DTNBP1: variants seen among roughly 807,000 people sequenced by gnomAD.
The protein encoded by DTNBP1 is dysbindin.
In DTNBP1, 35 loss-of-function variants were observed where a neutral mutation model predicts 42.8. The observed-to-expected ratio is 0.82, with a 90% CI of 0.63 to 1.09. The LOEUF (loss-of-function observed/expected upper bound fraction) is 1.09, where lower values mean the gene tolerates loss of function less well. Among genes scored for constraint, DTNBP1 ranks in the 50% least tolerant of loss-of-function variants. DTNBP1 has a pLI of 0.00. For missense variants in DTNBP1, 457 were observed against 424.2 expected (o/e 1.08, Z -0.68); for synonymous variants, 171 against 162.2 (o/e 1.05, Z -0.41).
intron 3 of DTNBP1, among the ~76,000 whole-genome samples, chr6:15,648,994 T>TA (rs55951018): frequency 0.13 from 19,194 of 151,914 alleles, 1,362 homozygotes; most frequent in African/African-American, 0.17. Flanking sequence ...GTAGCTATAA[T>TA]AAAAAACAAG....
chr6:15,556,102 G>A (rs1774501809), intron 7 of DTNBP1, among the ~76,000 whole-genome samples: 1 of 152,112 alleles, frequency 6.6e-6, no homozygotes, highest in Non-Finnish European at 1.5e-5. Context: ...GGCAGTTAAA[G>A]GTCTTTGGGT....
intron 5 of DTNBP1, among the ~76,000 whole-genome samples, chr6:15,619,489 G>A (rs1311753049): frequency 6.6e-6 from 1 of 152,040 alleles, no homozygotes; most frequent in Non-Finnish European, 1.5e-5. Context: ...TTGCAACTGA[G>A]GGACAGTCTA....
intron 7 of DTNBP1, among the ~76,000 whole-genome samples, chr6:15,544,975 A>C (rs2113374942): frequency 6.6e-6 from 1 of 152,344 alleles, no homozygotes; most frequent in African/African-American, 2.4e-5. Context: ...GAAACTGAGG[A>C]CTTGTTAGAC....
chr6:15,523,172 T>A lies in DTNBP1; in HGVS notation c.859A>T (p.Asn287Tyr). ...GGCTTGGCTCTTAATTCTGAGGGAT[T>A]TGGAACCTGGAGGGTAATCTCATTC... ...CQNEITLQVP[N>Y]PSELRAKPPS... Residue 287 changes from asparagine to tyrosine, a missense_variant, in exon 10 of 10, where the codon AAT (asparagine) becomes TAT (tyrosine). By Grantham distance (143) the Asn-to-Tyr change is moderately radical. Transcript: ENST00000344537. 6.2e-7 allele frequency: 1 copy of A among 1,614,214 alleles called. No individual in the cohort carries two copies. The highest frequency in any genetic ancestry group is 8.5e-7 in the Non-Finnish European group (1 of 1,180,028).
chr6:15,553,594 C>CTTTTTTTTTTTTTTTTTTTTTTTT lies in DTNBP1; in HGVS notation c.512-20200_512-20199insAAAAAAAAAAAAAAAAAAAAAAAA, dbSNP rs56173414. Among the ~76,000 whole-genome samples, 7 of 72,948 alleles carry CTTTTTTTTTTTTTTTTTTTTTTTT rather than the reference C, an allele frequency of 9.6e-5. 2 individuals carry two copies. The highest frequency in any genetic ancestry group is 3.8e-4 in the Admixed American group (2 of 5,254). 47.9% of individuals were successfully genotyped at this position (72,948 alleles called of 152,430 possible). A position where few individuals can be genotyped will look rare whatever the true frequency, so the allele number is the denominator to read the frequency against. On this transcript the variant is annotated intron_variant, in intron 7 of 9. Coordinates refer to ENST00000344537, the MANE Select transcript of DTNBP1 (RefSeq NM_032122.5). ...CAGTTCAATGCTCTTGACAAGTGAG[C>CTTTTTTTTTTTTTTTTTTTTTTTT]TTTTTTTTTTTTGGCCTCAGACAGC... is the stretch of plus-strand genomic sequence containing the variant.
At chr6:15,602,340 T>C (rs1776763138) in intron 6 of DTNBP1, among the ~76,000 whole-genome samples, 2 of 152,158 alleles carry the variant, frequency 1.3e-5, no homozygotes, top group South Asian at 2.1e-4. Flanking sequence ...GACTTCACCA[T>C]GGTTCTTGCT....
intron 8 of DTNBP1, among the ~76,000 whole-genome samples, chr6:15,528,534 C>A (rs1351935151): frequency 6.6e-6 from 1 of 152,154 alleles, no homozygotes; most frequent in African/African-American, 2.4e-5. Context: ...AAGAATGGAG[C>A]CGAAAAGAGA....
In DTNBP1 at chr6:15,627,458, C is replaced by G; in HGVS notation, c.240G>C (p.Val80=). Residue 80 remains valine, a synonymous_variant, in exon 5 of 10, where the codon GTG becomes GTC. Coordinates refer to ENST00000344537, the MANE Select transcript of DTNBP1 (RefSeq NM_032122.5). ...TCTCCCAGTGCGCAGAAAGCATGAC[C>G]ACCTCGCTATCCACCAGCTGCAGCA... The part of the protein sequence containing the change: ...ASAGELVDSE[V]VMLSAHWEKK... 1 of 1,613,926 alleles carries G rather than the reference C, an allele frequency of 6.2e-7. No individual in the cohort carries two copies. Among genetic ancestry groups the G allele is most frequent in the Non-Finnish European group, 8.5e-7 (1 of 1,179,946 alleles).
chr6:15,598,271 T>C (rs1040188095), intron 6 of DTNBP1, among the ~76,000 whole-genome samples: 5 of 152,130 alleles, frequency 3.3e-5, no homozygotes, highest in Admixed American at 2.0e-4. Flanking sequence ...AGACTGAAGA[T>C]GAAAACTTAA....
intron 5 of DTNBP1, among the ~76,000 whole-genome samples, chr6:15,619,231 C>CA (rs1434841829): frequency 6.6e-6 from 1 of 151,806 alleles, no homozygotes; most frequent in Non-Finnish European, 1.5e-5. Context: ...GTTCCCAAAA[C>CA]AAAAAAATGA....
rs1772350449 is a variant in DTNBP1 at position 15,525,924 on chromosome 6, A to G, written c.668-1255T>C. ...AAGCAAAACATTCCAAGCAAGATCAAAGCAATCTTCACCTACACCAATTGC... is the reference window on the plus strand; with the variant it reads ...AAGCAAAACATTCCAAGCAAGATCAGAGCAATCTTCACCTACACCAATTGC... On this transcript the variant is annotated intron_variant, in intron 8 of 9. Transcript: ENST00000344537. 2.6e-5 allele frequency among the ~76,000 whole-genome samples: 4 copies of G among 152,260 alleles called. No homozygotes were observed. In the South Asian group the frequency reaches 6.2e-4, roughly 24 times the overall value.
At chr6:15,603,032 T>TA (rs1353725237) in intron 6 of DTNBP1, among the ~76,000 whole-genome samples, 3 of 152,246 alleles carry the variant, frequency 2.0e-5, no homozygotes, top group Non-Finnish European at 2.9e-5. Flanking sequence ...AATAAACTGT[T>TA]AAATATTCTA....
At chr6:15,581,442 C>T (rs552609932) in intron 7 of DTNBP1, among the ~76,000 whole-genome samples, 12 of 148,804 alleles carry the variant, frequency 8.1e-5, no homozygotes, top group East Asian at 4.0e-4. Flanking sequence ...CCTCTCAAAG[C>T]GCTGGGATTA....
chr6:15,568,355 CCT>C (rs1052048693), intron 7 of DTNBP1, among the ~76,000 whole-genome samples: 1 of 152,112 alleles, frequency 6.6e-6, no homozygotes, highest in African/African-American at 2.4e-5. Flanking sequence ...CATAGGTGTC[CCT>C]GTTTCTTTGT....
chr6:15,524,329 G>C, intron 9 of DTNBP1, 197 bp downstream of exon 9: 1 of 1,611,856 alleles, frequency 6.2e-7, no homozygotes, highest in Non-Finnish European at 8.5e-7. Flanking sequence ...TCTTTGAGAA[G>C]AATTCATGAC....
chr6:15,629,035 T>C (rs906783672), intron 4 of DTNBP1, among the ~76,000 whole-genome samples: 8 of 151,518 alleles, frequency 5.3e-5, no homozygotes, highest in African/African-American at 2.0e-4. Context: ...TTTGTGTATT[T>C]AAAAATGTCT....
intron 7 of DTNBP1, among the ~76,000 whole-genome samples, chr6:15,581,304 C>T (rs552594120): frequency 3.3e-5 from 5 of 150,262 alleles, no homozygotes; most frequent in African/African-American, 9.8e-5. Flanking sequence ...CTCAGCCTTC[C>T]GAGTAGCTGG....
At chr6:15,594,037 G>C (rs1024700703) in intron 6 of DTNBP1, among the ~76,000 whole-genome samples, 1 of 152,176 alleles carries the variant, frequency 6.6e-6, no homozygotes, top group Non-Finnish European at 1.5e-5. Context: ...TAATGTTCTT[G>C]CAACAGCCAA....
At chr6:15,579,750 A>G (rs1210551462) in intron 7 of DTNBP1, 1 of 395,596 alleles carries the variant, frequency 2.5e-6, no homozygotes, top group East Asian at 7.6e-5. Context: ...GGTTGTGGTG[A>G]GCTGAGATCG....
Sources: gnomAD v4.1 joint callset for allele counts (sites outside exome capture counted in the v4.1 genomes callset) on GRCh38, gnomAD v4.1.1 for gene constraint, MANE v1.5 for transcripts, NCBI Gene and HGNC (gene_info 2026-07-23, HGNC 2026-07-21) for gene names.